The following SEC61B variants were observed in gnomAD, a reference collection of about 807,000 sequenced individuals.
The protein encoded by SEC61B is protein transport protein Sec61 subunit beta.
SEC61B carries 7 observed loss-of-function variants against 12.6 expected under a neutral mutation model. The ratio of observed to expected loss-of-function variants is 0.55; its 90% CI spans 0.32 to 1.04. The LOEUF (loss-of-function observed/expected upper bound fraction) is 1.04. SEC61B is among the 50% of genes least tolerant of loss of function. The probability of loss-of-function intolerance (pLI) is 0.05; values close to 1 mark genes in which losing one functional copy is unlikely to be tolerated. For synonymous variants in SEC61B, 54 were observed against 50.1 expected (o/e 1.08, Z -0.33); for missense variants, 107 against 130.1 (o/e 0.82, Z 0.86).
At position 99,227,278 on chromosome 9, in the gene SEC61B, A is replaced by C. The variant is rs545030266; in HGVS notation, c.102-621A>C. Among the ~76,000 whole-genome samples, 729 of 151,082 alleles carry C rather than the reference A, an allele frequency of 4.8e-3. 6 individuals are homozygous for C. Among genetic ancestry groups the C allele is most frequent in the African/African-American group, 0.016 (657 of 41,238 alleles). ...GAAACTCCATCTCAAAAAAAAAAAA[A>C]AAAAAAAAAAAAACAAACTAGTGAC... is the stretch of plus-strand genomic sequence containing the variant. On this transcript the variant is annotated intron_variant, in intron 2 of 3. Coordinates refer to ENST00000223641, the MANE Select transcript of SEC61B (RefSeq NM_006808.3).
chr9:99,227,287 A>G (rs987050456), intron 2 of SEC61B, among the ~76,000 whole-genome samples: 6 of 151,470 alleles, frequency 4.0e-5, no homozygotes, highest in Non-Finnish European at 8.8e-5. Flanking sequence ...AAAAAAAAAA[A>G]AAAACAAACT....
intron 3 of SEC61B, among the ~76,000 whole-genome samples, chr9:99,228,240 A>C (rs1176898101): frequency 1.3e-5 from 2 of 152,198 alleles, no homozygotes; most frequent in Non-Finnish European, 2.9e-5. Context: ...TCATGGAGCT[A>C]TGTCAAAATA....
intron 2 of SEC61B, chr9:99,222,975 T>C (rs1828849338): frequency 4.2e-6 from 1 of 236,254 alleles, no homozygotes; most frequent in Non-Finnish European, 8.2e-6. Context: ...AAGCAATCTG[T>C]CCTACAGATA....
chr9:99,228,797 G>T (rs1291543045), intron 3 of SEC61B, among the ~76,000 whole-genome samples: 1 of 152,246 alleles, frequency 6.6e-6, no homozygotes, highest in Admixed American at 6.5e-5. Context: ...CAGCAATCCA[G>T]TGAGGTGAGA....
At chr9:99,223,137 T>C (rs955786763) in intron 2 of SEC61B, 1 of 152,742 alleles carries the variant, frequency 6.5e-6, no homozygotes, top group African/African-American at 2.4e-5. Flanking sequence ...TCTTTCTCTC[T>C]CTAGTCATAT....
At chr9:99,224,829 T>C (rs550530961) in intron 2 of SEC61B, among the ~76,000 whole-genome samples, 3 of 152,304 alleles carry the variant, frequency 2.0e-5, no homozygotes, top group African/African-American at 7.2e-5. Context: ...TGAGAAAACA[T>C]TGGAAGTTAA....
chr9:99,230,482 A>G lies in SEC61B; in HGVS notation c.*58A>G. ...GAGGAAAAAACCCAACATTTCTTGG[A>G]CCAAAAGTATAGTGACTATCTGTTC... On this transcript the variant is annotated 3_prime_UTR_variant, in exon 4 of 4. Coordinates refer to ENST00000223641, the MANE Select transcript of SEC61B (RefSeq NM_006808.3). 1 of 1,153,582 alleles carries G rather than the reference A, an allele frequency of 8.7e-7. No homozygotes were observed. The highest frequency in any genetic ancestry group is 1.3e-6 in the Non-Finnish European group (1 of 771,314). The allele number at this position is 1,153,582 out of a possible 1,614,324, so 71.5% of individuals were successfully genotyped here. A position where few individuals can be genotyped will look rare whatever the true frequency, so the allele number is the denominator to read the frequency against.
chr9:99,223,580 A>G (rs879626830), intron 2 of SEC61B, among the ~76,000 whole-genome samples: 1 of 152,132 alleles, frequency 6.6e-6, no homozygotes, highest in Non-Finnish European at 1.5e-5. Context: ...TTTTTAGTAG[A>G]GACGGGGTTT....
intron 3 of SEC61B, among the ~76,000 whole-genome samples, chr9:99,229,334 T>C (rs968969240): frequency 6.6e-6 from 1 of 152,150 alleles, no homozygotes; most frequent in South Asian, 2.1e-4. Flanking sequence ...AATTTTTTTT[T>C]CTCCTTTAGC....
In SEC61B at chr9:99,222,597, A is replaced by C; in HGVS notation, c.55A>C (p.Ser19Arg). ...TNVGSSGRSP[S>R]KAVAARAAGS... ...CGTGGGATCCTCAGGGCGCTCTCCC[A>C]GCAAAGCAGTGGCCGCCCGGGCGGC... Residue 19 changes from serine to arginine, a missense_variant, in exon 2 of 4, where the codon AGC becomes CGC. Coordinates refer to ENST00000223641, the MANE Select transcript of SEC61B (RefSeq NM_006808.3). The C allele has an allele frequency of 6.4e-7, 1 of 1,557,622 alleles. No individual in the cohort carries two copies. Among genetic ancestry groups the C allele is most frequent in the Non-Finnish European group, 8.7e-7 (1 of 1,150,762 alleles).
At chr9:99,225,684 G>T (rs1220227796) in intron 2 of SEC61B, among the ~76,000 whole-genome samples, 1 of 152,180 alleles carries the variant, frequency 6.6e-6, no homozygotes, top group Non-Finnish European at 1.5e-5. Flanking sequence ...TAGGGAATGG[G>T]AAGTATTTTG....
intron 2 of SEC61B, among the ~76,000 whole-genome samples, chr9:99,225,368 A>C (rs1828882788): frequency 1.3e-5 from 2 of 152,340 alleles, no homozygotes; most frequent in Admixed American, 1.3e-4. Context: ...CACAGTAGGT[A>C]ATACCTGAGT....
At position 99,223,332 on chromosome 9, in the gene SEC61B, C is replaced by A. The variant is rs367706757; in HGVS notation, c.101+689C>A. Among the ~76,000 whole-genome samples, 379 of 128,940 alleles carry A rather than the reference C, an allele frequency of 2.9e-3. 5 individuals carry two copies. The highest frequency in any genetic ancestry group is 8.3e-3 in the Admixed American group (111 of 13,374). 84.6% of individuals were successfully genotyped at this position (128,940 alleles called of 152,430 possible). On this transcript the variant is annotated intron_variant, in intron 2 of 3. Coordinates refer to ENST00000223641, the MANE Select transcript of SEC61B (RefSeq NM_006808.3). ...TGCTGAACTAAAAAAAACAAACAAA[C>A]AAAAAAAAAAAACCGGGGGGATACC...
At chr9:99,229,269 T>TCCTG (rs1381103020) in intron 3 of SEC61B, among the ~76,000 whole-genome samples, 1 of 152,128 alleles carries the variant, frequency 6.6e-6, no homozygotes, top group Non-Finnish European at 1.5e-5. Context: ...GGTGGGGGTA[T>TCCTG]CCTGACTGCC....
At chr9:99,226,300 G>A (rs555111111) in intron 2 of SEC61B, among the ~76,000 whole-genome samples, 11 of 152,304 alleles carry the variant, frequency 7.2e-5, no homozygotes, top group Admixed American at 3.3e-4. Context: ...CAGGCTCCCC[G>A]TGCTGTAGAC....
At chr9:99,227,197 C>T (rs1406413052) in intron 2 of SEC61B, among the ~76,000 whole-genome samples, 2 of 131,384 alleles carry the variant, frequency 1.5e-5, no homozygotes, top group Non-Finnish European at 3.1e-5. Flanking sequence ...ACCCAGGAGG[C>T]GGAGGTTGCA....
In SEC61B at chr9:99,222,511, C is replaced by T; in HGVS notation, c.4-35C>T. ...CCGGGGTTCTGGGGCAGGCCTGCCG[C>T]GCTCACCCGTCTGTCTGCTTGTCTC... On this transcript the variant is annotated intron_variant, in intron 1 of 3. Coordinates refer to ENST00000223641, the MANE Select transcript of SEC61B (RefSeq NM_006808.3). 6 of 1,601,720 alleles carry T rather than the reference C, an allele frequency of 3.7e-6. No individual in the cohort carries two copies. The East Asian group carries it at 1.3e-4, about 36-fold the overall frequency.
chr9:99,222,836 C>A, intron 2 of SEC61B, 193 bp downstream of exon 2: 2 of 510,136 alleles, frequency 3.9e-6, no homozygotes, highest in Admixed American at 3.8e-5. Flanking sequence ...CAGTTTAGGG[C>A]ACTACTCTTA....
chr9:99,223,124 T>C (rs1215919754), intron 2 of SEC61B: 1 of 153,016 alleles, frequency 6.5e-6, no homozygotes, highest in Admixed American at 6.5e-5. Context: ...ATTTTTCTTA[T>C]GCTCTTTCTC....
Sources: allele counts gnomAD v4.1 joint callset (sites outside exome capture counted in the v4.1 genomes callset), GRCh38; gene constraint gnomAD v4.1.1; transcripts MANE v1.5; gene names NCBI Gene and HGNC (gene_info 2026-07-23, HGNC 2026-07-21).